The following DNM3 variants were observed in gnomAD, a reference collection of about 807,000 sequenced individuals.
DNM3 encodes dynamin-3.
Under a neutral mutation model 101.6 loss-of-function variants are expected in DNM3, and 47 were observed. That is an observed-to-expected ratio of 0.46 (90% CI 0.37 to 0.59). The LOEUF (loss-of-function observed/expected upper bound fraction) is 0.59. Among genes scored for constraint, DNM3 ranks in the 20% least tolerant of loss-of-function variants. DNM3 has a pLI of 0.00. For missense variants in DNM3, 849 were observed against 1,085.7 expected, an observed-to-expected ratio of 0.78 and a Z score of 3.06; for synonymous variants, 385 against 387.9, an observed-to-expected ratio of 0.99 and a Z score of 0.09.
intron 2 of DNM3, among the ~76,000 whole-genome samples, chr1:171,933,719 A>C (rs1384212693): frequency 1.3e-5 from 2 of 152,182 alleles, no homozygotes; most frequent in Non-Finnish European, 2.9e-5. Flanking sequence ...GGATGATGAA[A>C]GGGAACATGA....
intron 14 of DNM3, among the ~76,000 whole-genome samples, chr1:172,195,393 T>C (rs2059910286): frequency 6.6e-6 from 1 of 151,914 alleles, no homozygotes; most frequent in African/African-American, 2.4e-5. Context: ...ATTTTTCCTT[T>C]CTGATCTGTA....
chr1:172,092,318 A>C (rs1421522363), intron 12 of DNM3, among the ~76,000 whole-genome samples: 3 of 152,202 alleles, frequency 2.0e-5, no homozygotes, highest in Non-Finnish European at 4.4e-5. Context: ...AGAGTTTGTG[A>C]TGCGGAGCCA....
rs1434232308 is a variant in DNM3 at position 171,851,798 on chromosome 1, C to T, written c.161+9981C>T. Among the ~76,000 whole-genome samples, 4 of 152,280 alleles carry T rather than the reference C, an allele frequency of 2.6e-5. No individual in the cohort carries two copies. In the South Asian group the frequency reaches 6.2e-4, roughly 24 times the overall value. Reference sequence around the variant, plus strand: ...GTAGATGGTGTGTGACAGTGTTAAGCGAAGTATCAGACTACATCCAAGGTA... The same window carrying T: ...GTAGATGGTGTGTGACAGTGTTAAGTGAAGTATCAGACTACATCCAAGGTA... On this transcript the variant is annotated intron_variant, in intron 1 of 20. Coordinates refer to ENST00000627582, the MANE Select transcript of DNM3 (RefSeq NM_015569.5).
chr1:172,304,218 A>AAAAAAAAAAAAAC (rs1182798546), intron 15 of DNM3, among the ~76,000 whole-genome samples: 6 of 135,100 alleles, frequency 4.4e-5, no homozygotes, highest in African/African-American at 1.7e-4. Context: ...AAAAAAAAAA[A>AAAAAAAAAAAAAC]AAAACAGGAG....
chr1:172,409,981 G>A lies in DNM3; in HGVS notation c.*2140G>A. ...CCAATTTTCCTTCCACTGATCTTAGGCAGTAATAAACAATGGCATTTGTCA... is the reference window on the plus strand; with the variant it reads ...CCAATTTTCCTTCCACTGATCTTAGACAGTAATAAACAATGGCATTTGTCA... On this transcript the variant is annotated 3_prime_UTR_variant, in exon 21 of 21. Transcript: ENST00000627582. 2 of 985,546 alleles carry A rather than the reference G, an allele frequency of 2.0e-6. No individual in the cohort carries two copies. The highest frequency in any genetic ancestry group is 2.4e-6 in the Non-Finnish European group (2 of 829,832). 61.1% of individuals were successfully genotyped at this position (985,546 alleles called of 1,614,324 possible).
chr1:172,100,940 C>G (rs1190849314), intron 13 of DNM3, among the ~76,000 whole-genome samples: 6 of 152,170 alleles, frequency 3.9e-5, no homozygotes, highest in Non-Finnish European at 7.3e-5. Context: ...AGAAAACCTT[C>G]TAAGGTTCAG....
intron 14 of DNM3, among the ~76,000 whole-genome samples, chr1:172,231,210 C>CG (rs1553201261): frequency 2.0e-5 from 3 of 151,124 alleles, no homozygotes; most frequent in South Asian, 4.2e-4. Flanking sequence ...GGAGGCACCC[C>CG]CAGTAGGGGC....
chr1:171,880,406 T>G (rs1039162348), intron 1 of DNM3, among the ~76,000 whole-genome samples: 2 of 152,234 alleles, frequency 1.3e-5, no homozygotes, highest in Non-Finnish European at 2.9e-5. Flanking sequence ...TGTTTAGAAC[T>G]TAGCCATCTT....
At chr1:172,159,725 G>T (rs2148281715) in intron 14 of DNM3, among the ~76,000 whole-genome samples, 1 of 152,112 alleles carries the variant, frequency 6.6e-6, no homozygotes, top group East Asian at 1.9e-4. Context: ...GGCCACAATA[G>T]ATTTTCACTA....
intron 2 of DNM3, among the ~76,000 whole-genome samples, chr1:171,928,692 GA>G (rs2040770139): frequency 6.6e-6 from 1 of 152,150 alleles, no homozygotes; most frequent in Admixed American, 6.5e-5. Context: ...GGCAGTGGCA[GA>G]GAGGCTTTTA....
chr1:172,092,529 CTG>C (rs2053980574), intron 12 of DNM3, among the ~76,000 whole-genome samples: 2 of 152,198 alleles, frequency 1.3e-5, no homozygotes, highest in Non-Finnish European at 2.9e-5. Context: ...CAACTCTCCT[CTG>C]TACCTGTGAG....
intron 14 of DNM3, among the ~76,000 whole-genome samples, chr1:172,230,998 C>CTGAACTCATCTAGGAGTTCAGCTCCTAGA (rs2061315441): frequency 2.0e-5 from 3 of 151,890 alleles, no homozygotes; most frequent in Non-Finnish European, 4.4e-5. Flanking sequence ...TCCTCTCTAG[C>CTGAACTCATCTAGGAGTTCAGCTCCTAGA]TGAACTCATC....
chr1:171,862,159 A>G (rs1482920854), intron 1 of DNM3, among the ~76,000 whole-genome samples: 1 of 152,150 alleles, frequency 6.6e-6, no homozygotes, highest in Non-Finnish European at 1.5e-5. Flanking sequence ...ACACTTTGGA[A>G]AACAGTTTGG....
chr1:171,846,223 T>C (rs936228609), intron 1 of DNM3, among the ~76,000 whole-genome samples: 1 of 127,638 alleles, frequency 7.8e-6, no homozygotes, highest in African/African-American at 3.1e-5. Flanking sequence ...TAATATACTT[T>C]TAGGTTATCA....
chr1:172,092,644 G>C (rs149692362), intron 12 of DNM3, among the ~76,000 whole-genome samples, 180 bp from the exon 13 acceptor site: 18 of 152,192 alleles, frequency 1.2e-4, no homozygotes, highest in African/African-American at 3.9e-4. Flanking sequence ...GGAGTTATGT[G>C]CTATTAGGAG....
intron 14 of DNM3, among the ~76,000 whole-genome samples, chr1:172,250,719 T>C (rs142651892): frequency 6.6e-5 from 10 of 152,124 alleles, no homozygotes; most frequent in African/African-American, 2.4e-4. Flanking sequence ...TCAGAAATGA[T>C]AGTGAGGTTT....
At chr1:172,360,306 T>A (rs2067674487) in intron 17 of DNM3, among the ~76,000 whole-genome samples, 1 of 152,044 alleles carries the variant, frequency 6.6e-6, no homozygotes, top group Non-Finnish European at 1.5e-5. Context: ...TGGTCTTACA[T>A]ATAATAATAG....
chr1:172,345,879 T>C (rs2066903130), intron 17 of DNM3, among the ~76,000 whole-genome samples: 1 of 151,962 alleles, frequency 6.6e-6, no homozygotes, highest in Admixed American at 6.6e-5. Flanking sequence ...AGCAAAGATG[T>C]AGATTAGCAG....
intron 14 of DNM3, among the ~76,000 whole-genome samples, chr1:172,149,877 T>C (rs1004441887): frequency 6.6e-6 from 1 of 152,092 alleles, no homozygotes; most frequent in Non-Finnish European, 1.5e-5. Context: ...GGGATACATG[T>C]TAAGCATAAT....
Sources: allele counts gnomAD v4.1 joint callset (sites outside exome capture counted in the v4.1 genomes callset), GRCh38; gene constraint gnomAD v4.1.1; transcripts MANE v1.5; gene names NCBI Gene and HGNC (gene_info 2026-07-23, HGNC 2026-07-21).